The following DPP10 variants were observed in gnomAD, a reference collection of about 807,000 sequenced individuals.
DPP10 encodes dipeptidyl peptidase like 10.
A neutral mutation model predicts 120.9 loss-of-function variants in DPP10; 33 were observed. That is an observed-to-expected ratio of 0.27 (90% CI 0.21 to 0.37). The LOEUF (loss-of-function observed/expected upper bound fraction) is 0.37, where lower values mean the gene tolerates loss of function less well. Among genes scored for constraint, DPP10 ranks in the 10% least tolerant of loss-of-function variants. DPP10 has a pLI of 1.00. For synonymous variants in DPP10, 337 were observed against 326.1 expected (o/e 1.03, Z -0.36); for missense variants, 816 against 942.8 (o/e 0.87, Z 1.76).
At chr2:114,990,128 T>C (rs1259135502) in intron 1 of DPP10, among the ~76,000 whole-genome samples, 2 of 152,178 alleles carry the variant, frequency 1.3e-5, no homozygotes, top group Non-Finnish European at 1.5e-5. Flanking sequence ...ATACTTCTTA[T>C]GCCAAAGCTA....
chr2:114,529,941 A>G (rs1174113500), intron 1 of DPP10, among the ~76,000 whole-genome samples: 2 of 151,976 alleles, frequency 1.3e-5, no homozygotes, highest in Non-Finnish European at 2.9e-5. Context: ...AACATGTGGT[A>G]TTTGGTTTTC....
At chr2:115,244,233 TATATATAGAGAGAGAGAGAG>T (rs1238407815) in intron 1 of DPP10, among the ~76,000 whole-genome samples, 6 of 44,376 alleles carry the variant, frequency 1.4e-4, no homozygotes, top group South Asian at 8.4e-4. Context: ...TATATATATA[TATATATAGAGAGAGAGAGAG>T]AGAGAGAGAG....
intron 1 of DPP10, among the ~76,000 whole-genome samples, chr2:115,223,132 G>A (rs2057259414): frequency 6.6e-6 from 1 of 152,026 alleles, no homozygotes; most frequent in African/African-American, 2.4e-5. Flanking sequence ...ATTATTTTTG[G>A]ACTCAGAATA....
At chr2:114,567,581 C>T (rs1423910402) in intron 1 of DPP10, among the ~76,000 whole-genome samples, 1 of 152,054 alleles carries the variant, frequency 6.6e-6, no homozygotes. Flanking sequence ...GAGTCACCAG[C>T]CTGTGACATA....
rs114543152 is a variant in DPP10 at position 115,666,783 on chromosome 2, A to T, written c.442-22904A>T. Among the ~76,000 whole-genome samples the T allele has an allele frequency of 4.2e-3, 637 of 152,184 alleles. 4 individuals are homozygous for T. The highest frequency in any genetic ancestry group is 0.015 in the African/African-American group (615 of 41,508). ...TTTTGGGTATATAATGAATAATGGGATTGCTGGGTCAAATGGTAGTTCTTT... is the reference window on the plus strand; with the variant it reads ...TTTTGGGTATATAATGAATAATGGGTTTGCTGGGTCAAATGGTAGTTCTTT... On this transcript the variant is annotated intron_variant, in intron 5 of 25. Coordinates refer to ENST00000410059, the MANE Select transcript of DPP10 (RefSeq NM_020868.6).
In DPP10 at chr2:115,411,038, T is replaced by G. The variant is rs375275635; in HGVS notation, c.271+67126T>G. Among the ~76,000 whole-genome samples, 10 of 152,186 alleles carry G rather than the reference T, an allele frequency of 6.6e-5. 1 individual carries two copies. The South Asian group carries it at 8.3e-4, about 13-fold the overall frequency. On this transcript the variant is annotated intron_variant, in intron 3 of 25. Transcript: ENST00000410059. The stretch of plus-strand genomic sequence containing the variant: ...AAAAATAAATATACATAGAAAAGAC[T>G]TACTTTAGGGGCTGGGCGCAGTAGC...
At chr2:115,145,214 G>A (rs2051156664) in intron 1 of DPP10, among the ~76,000 whole-genome samples, 1 of 152,074 alleles carries the variant, frequency 6.6e-6, no homozygotes, top group African/African-American at 2.4e-5. Flanking sequence ...TAAGGCTTTT[G>A]ATTAATGTAT....
intron 1 of DPP10, among the ~76,000 whole-genome samples, chr2:114,519,246 T>G (rs1054866228): frequency 6.6e-6 from 1 of 152,208 alleles, no homozygotes; most frequent in Non-Finnish European, 1.5e-5. Context: ...TAGAGAAACT[T>G]TGCCAGCCAC....
chr2:114,663,000 A>C (rs1259441057), intron 1 of DPP10, among the ~76,000 whole-genome samples: 1 of 152,024 alleles, frequency 6.6e-6, no homozygotes, highest in East Asian at 1.9e-4. Context: ...GTTCTTATTG[A>C]AGTTTGATGA....
chr2:115,597,322 A>G (rs1188897450), intron 5 of DPP10, among the ~76,000 whole-genome samples: 1 of 152,170 alleles, frequency 6.6e-6, no homozygotes, highest in Non-Finnish European at 1.5e-5. Flanking sequence ...TTCAAAGCCA[A>G]AGAGATCAGG....
chr2:115,396,868 G>A (rs1011549468), intron 3 of DPP10, among the ~76,000 whole-genome samples: 1 of 152,026 alleles, frequency 6.6e-6, no homozygotes, highest in Non-Finnish European at 1.5e-5. Context: ...AAACTACCGA[G>A]ACTCAAAAAT....
intron 1 of DPP10, among the ~76,000 whole-genome samples, chr2:114,588,720 G>A (rs777826222): frequency 2.0e-5 from 3 of 151,932 alleles, no homozygotes; most frequent in African/African-American, 4.8e-5. Flanking sequence ...TATATAAAGG[G>A]GCTACTGGTT....
chr2:114,690,113 T>G (rs1442407493), intron 1 of DPP10, among the ~76,000 whole-genome samples: 1 of 152,150 alleles, frequency 6.6e-6, no homozygotes. Context: ...AATTTTTGTT[T>G]TTGTTGCAAT....
intron 1 of DPP10, among the ~76,000 whole-genome samples, chr2:115,237,215 G>A (rs2058049045): frequency 6.6e-6 from 1 of 151,352 alleles, no homozygotes; most frequent in Non-Finnish European, 1.5e-5. Flanking sequence ...GTCACATTTT[G>A]GGAAATCTCA....
intron 4 of DPP10, 42 bp downstream of exon 4, chr2:115,499,646 G>A: frequency 6.9e-6 from 10 of 1,456,918 alleles, no homozygotes; most frequent in Non-Finnish European, 7.6e-6. Context: ...TTTCAGTACT[G>A]TTTAGAAAGC....
At chr2:114,468,258 A>C (rs1451243110) in intron 1 of DPP10, among the ~76,000 whole-genome samples, 2 of 152,018 alleles carry the variant, frequency 1.3e-5, no homozygotes, top group Non-Finnish European at 2.9e-5. Flanking sequence ...TTTTTGAGGG[A>C]GTGAGATGTC....
intron 1 of DPP10, chr2:115,161,709 C>G (rs1005608089): frequency 1.0e-5 from 4 of 388,970 alleles, no homozygotes; most frequent in African/African-American, 4.2e-5. Flanking sequence ...GCTCGCTGCG[C>G]TTTGGGTGGC....
intron 1 of DPP10, among the ~76,000 whole-genome samples, chr2:115,251,325 C>T (rs2058741180): frequency 6.6e-6 from 1 of 152,168 alleles, no homozygotes; most frequent in African/African-American, 2.4e-5. Flanking sequence ...CACTGCCAAA[C>T]ATAGCACCTC....
intron 1 of DPP10, among the ~76,000 whole-genome samples, chr2:114,650,288 G>A (rs1188997462): frequency 6.6e-6 from 1 of 152,126 alleles, no homozygotes; most frequent in African/African-American, 2.4e-5. Flanking sequence ...TAGAGATGGG[G>A]ATCCTGTTAC....
Sources: gnomAD v4.1 joint callset for allele counts (sites outside exome capture counted in the v4.1 genomes callset) on GRCh38, gnomAD v4.1.1 for gene constraint, MANE v1.5 for transcripts, NCBI Gene and HGNC (gene_info 2026-07-23, HGNC 2026-07-21) for gene names.